Variants in ZNF131 observed in about 807,000 individuals in gnomAD.
ZNF131 encodes the protein zinc finger protein 131.
In ZNF131, 7 loss-of-function variants were observed where a neutral mutation model predicts 60.0. The observed-to-expected ratio is 0.12, with a 90% CI of 0.07 to 0.22. ZNF131 has a LOEUF of 0.22. Ranked by LOEUF, ZNF131 falls within the 10% of genes least tolerant of loss-of-function variation. ZNF131 has a pLI of 1.00. For synonymous variants in ZNF131, 257 were observed against 253.2 expected (o/e 1.01, Z -0.14); for missense variants, 493 against 740.9 (o/e 0.67, Z 3.88).
chr5:43,124,949 G>A (rs1744327352), intron 3 of ZNF131: 1 of 151,818 alleles, frequency 6.6e-6, no homozygotes, highest in South Asian at 2.1e-4. Context: ...AGGATTGCTG[G>A]GGCCCAGGAG....
At chr5:43,139,414 C>T in intron 4 of ZNF131, 105 bp downstream of exon 4, 1 of 1,192,498 alleles carries the variant, frequency 8.4e-7, no homozygotes, top group Non-Finnish European at 1.1e-6. Context: ...CAGAGTTCTT[C>T]AGAAGAATTA....
intron 5 of ZNF131, among the ~76,000 whole-genome samples, chr5:43,172,323 A>T (rs1186004114): frequency 6.6e-6 from 1 of 152,038 alleles, no homozygotes; most frequent in African/African-American, 2.4e-5. Context: ...TTTTACTATC[A>T]CTTAACCCCT....
intron 3 of ZNF131, chr5:43,125,067 A>G (rs1744348074): frequency 6.6e-6 from 1 of 151,982 alleles, no homozygotes; most frequent in Non-Finnish European, 1.5e-5. Flanking sequence ...CATATTGAAT[A>G]TCTATAATAT....
Position 43,161,315 on chromosome 5 carries a change from G to A in ZNF131, c.438G>A (p.Lys146=). ...TTGKNEAKKR[K]IAETSNVITE... ...GAAAAAATGAGGCCAAAAAAAGGAAGATTGCAGAAACTTCAAATGTTATCA... is the reference window on the plus strand; with the variant it reads ...GAAAAAATGAGGCCAAAAAAAGGAAAATTGCAGAAACTTCAAATGTTATCA... Residue 146 remains lysine (K), a synonymous_variant, in exon 5 of 7, where the codon AAG becomes AAA. Transcript: ENST00000682664. 1.2e-6 allele frequency: 2 copies of A among 1,613,724 alleles called. No homozygotes were observed. The highest frequency in any genetic ancestry group is 1.7e-6 in the Non-Finnish European group (2 of 1,179,952).
intron 5 of ZNF131, among the ~76,000 whole-genome samples, chr5:43,167,313 ACTTG>A (rs1206925895): frequency 6.6e-6 from 1 of 152,208 alleles, no homozygotes; most frequent in Non-Finnish European, 1.5e-5. Flanking sequence ...GCAGCGATAA[ACTTG>A]CTTTACACGG....
At chr5:43,158,353 G>A (rs2444780) in intron 4 of ZNF131, among the ~76,000 whole-genome samples, 10,060 of 151,560 alleles carry the variant, frequency 0.066, 401 homozygotes, top group South Asian at 0.13. Context: ...GCAATGGCAC[G>A]ATCTCGGTTC....
intron 4 of ZNF131, among the ~76,000 whole-genome samples, chr5:43,150,426 T>C (rs930634160): frequency 6.6e-6 from 1 of 152,188 alleles, no homozygotes. Flanking sequence ...TTCTGTATTA[T>C]CCTGGCTGGT....
intron 4 of ZNF131, among the ~76,000 whole-genome samples, chr5:43,148,467 G>A (rs1473580980): frequency 6.6e-6 from 1 of 152,154 alleles, no homozygotes; most frequent in Non-Finnish European, 1.5e-5. Flanking sequence ...TATTGTCAAG[G>A]GTTTTTTAAA....
intron 4 of ZNF131, among the ~76,000 whole-genome samples, chr5:43,154,226 A>G (rs980250150): frequency 2.0e-5 from 3 of 152,130 alleles, no homozygotes; most frequent in African/African-American, 7.2e-5. Context: ...AGTCTGACCA[A>G]CGTGGTGAAA....
chr5:43,158,287 T>G (rs1409786009), intron 4 of ZNF131, among the ~76,000 whole-genome samples: 1 of 150,858 alleles, frequency 6.6e-6, no homozygotes, highest in Non-Finnish European at 1.5e-5. Flanking sequence ...CTGTTTTGTT[T>G]TGTTTTTGTT....
chr5:43,127,992 T>C (rs548072683), intron 3 of ZNF131, among the ~76,000 whole-genome samples: 1 of 152,270 alleles, frequency 6.6e-6, no homozygotes, highest in Non-Finnish European at 1.5e-5. Context: ...TACATGTTTA[T>C]ACATCTTTTT....
In ZNF131 at chr5:43,175,475, T is replaced by C. The variant is rs1483160877; in HGVS notation, c.*342T>C. The C allele has an allele frequency of 1.4e-6, 1 of 699,182 alleles. No homozygotes were observed. Among genetic ancestry groups the C allele is most frequent in the Non-Finnish European group, 2.6e-6 (1 of 384,324 alleles). 43.3% of individuals were successfully genotyped at this position (699,182 alleles called of 1,614,324 possible). On this transcript the variant is annotated 3_prime_UTR_variant, in exon 7 of 7. Transcript: ENST00000682664. ...TCCCAGGTCATGTTCTTCCTCAAAT[T>C]TTTTCCATATTGTAAAATCAAACTT...
chr5:43,154,433 G>A (rs1033187886), intron 4 of ZNF131, among the ~76,000 whole-genome samples: 8 of 151,868 alleles, frequency 5.3e-5, no homozygotes, highest in Non-Finnish European at 1.0e-4. Flanking sequence ...AAAAAGAAGT[G>A]TCAGAAATGT....
rs931902309 is a variant in ZNF131, at chr5:43,175,420, C to T, written c.*287C>T. 5.8e-6 allele frequency: 4 copies of T among 695,588 alleles called. No individual in the cohort carries two copies. In the African/African-American group the frequency reaches 7.1e-5, roughly 12 times the overall value. The allele number at this position is 695,588 out of a possible 1,614,324, so 43.1% of individuals were successfully genotyped here. ...AGTTGGGTACGAATGTATCTATTTT[C>T]ATTGTGGTAAAAGTTCTTCCTTTTC... is the stretch of plus-strand genomic sequence containing the variant. On this transcript the variant is annotated 3_prime_UTR_variant, in exon 7 of 7. Transcript: ENST00000682664.
At chr5:43,155,664 G>A (rs1748871808) in intron 4 of ZNF131, among the ~76,000 whole-genome samples, 1 of 152,194 alleles carries the variant, frequency 6.6e-6, no homozygotes, top group African/African-American at 2.4e-5. Context: ...GGAGAAAGTA[G>A]AATGCCTAAG....
At chr5:43,168,714 G>T (rs537559904) in intron 5 of ZNF131, among the ~76,000 whole-genome samples, 1 of 152,336 alleles carries the variant, frequency 6.6e-6, no homozygotes, top group African/African-American at 2.4e-5. Flanking sequence ...ATTGGAGTGG[G>T]TTGAAACCTG....
At position 43,161,396 on chromosome 5, in the gene ZNF131, C is replaced by G. The variant is rs376703225; in HGVS notation, c.519C>G (p.Ala173=). 3.1e-6 allele frequency: 5 copies of G among 1,614,052 alleles called. No individual in the cohort carries two copies. The highest frequency in any genetic ancestry group is 1.1e-5 in the South Asian group (1 of 91,080). Residue 173 remains alanine, a synonymous_variant, in exon 5 of 7, where the codon GCC becomes GCG. Coordinates refer to ENST00000682664, the MANE Select transcript of ZNF131 (RefSeq NM_001330707.2). ...SEPVEIEVEI[A]EGTIEVEDEG... ...CTGTTGAAATTGAGGTAGAGATTGC[C>G]GAAGGCACCATTGAAGTGGAAGATG... is the stretch of plus-strand genomic sequence containing the variant.
chr5:43,160,201 AAAAAAAG>A (rs1561434409), intron 4 of ZNF131, among the ~76,000 whole-genome samples: 2 of 146,298 alleles, frequency 1.4e-5, no homozygotes, highest in Non-Finnish European at 3.0e-5. Context: ...AAAAAAAAAC[AAAAAAAG>A]AAGAAATCTG....
chr5:43,175,627 T>G lies in ZNF131; in HGVS notation c.*494T>G. On this transcript the variant is annotated 3_prime_UTR_variant, in exon 7 of 7. Transcript: ENST00000682664. ...AGTTAAATTTTGGCTTCTGGCTTTC[T>G]TTAGTTTGAACAAACGTTCTTGTCT... The G allele has an allele frequency of 1.9e-6, 1 of 536,320 alleles. No homozygotes were observed. The highest frequency in any genetic ancestry group is 3.3e-6 in the Non-Finnish European group (1 of 307,110). The allele number at this position is 536,320 out of a possible 1,614,324, so 33.2% of individuals were successfully genotyped here. A position where few individuals can be genotyped will look rare whatever the true frequency, so the allele number is the denominator to read the frequency against.
Sources: allele counts gnomAD v4.1 joint callset (sites outside exome capture counted in the v4.1 genomes callset), GRCh38; gene constraint gnomAD v4.1.1; transcripts MANE v1.5; gene names NCBI Gene and HGNC (gene_info 2026-07-23, HGNC 2026-07-21).